Variants in PHC3 observed in about 807,000 individuals in gnomAD.
PHC3 encodes polyhomeotic homolog 3, also known as polyhomeotic-like protein 3.
A neutral mutation model predicts 107.4 loss-of-function variants in PHC3; 13 were observed. The observed-to-expected ratio is 0.12, with a 90% CI of 0.08 to 0.19. PHC3 has a LOEUF of 0.19. Ranked by LOEUF, PHC3 falls within the 10% of genes least tolerant of loss-of-function variation. PHC3 has a pLI of 1.00. For synonymous variants in PHC3, 456 were observed against 427.4 expected (o/e 1.07, Z -0.83); for missense variants, 992 against 1,210.9 (o/e 0.82, Z 2.68).
At chr3:170,130,528 T>C (rs1309874836) in intron 7 of PHC3, among the ~76,000 whole-genome samples, 1 of 152,158 alleles carries the variant, frequency 6.6e-6, no homozygotes, top group East Asian at 1.9e-4. Context: ...TAGGGGCCAT[T>C]CCAAATCTAG....
chr3:170,098,253 C>T (rs1164994473), intron 14 of PHC3, among the ~76,000 whole-genome samples: 1 of 152,048 alleles, frequency 6.6e-6, no homozygotes, highest in Admixed American at 6.6e-5. Flanking sequence ...GAAAGGTAAT[C>T]AATTAAGTAG....
In PHC3 at chr3:170,145,531, C is replaced by G; in HGVS notation, c.574-10G>C. Reference sequence around the variant, plus strand: ...CGGGTGTGAAAATCAGCTGTACAGACAGAAAACCAAAAAAATACCCTAAGA... The same window carrying G: ...CGGGTGTGAAAATCAGCTGTACAGAGAGAAAACCAAAAAAATACCCTAAGA... On this transcript the variant is annotated splice_polypyrimidine_tract_variant and intron_variant, in intron 5 of 14. Coordinates refer to ENST00000495893, the MANE Select transcript of PHC3 (RefSeq NM_024947.4). 6.3e-7 allele frequency: 1 copy of G among 1,598,956 alleles called. No individual in the cohort carries two copies. The highest frequency in any genetic ancestry group is 8.5e-7 in the Non-Finnish European group (1 of 1,169,726).
chr3:170,121,363 C>G (rs2108410652), intron 9 of PHC3, among the ~76,000 whole-genome samples: 1 of 152,166 alleles, frequency 6.6e-6, no homozygotes, highest in Admixed American at 6.5e-5. Context: ...GAGCAGTGTG[C>G]CAACCTCTAA....
chr3:170,104,572 C>T (rs1716110551), intron 12 of PHC3, among the ~76,000 whole-genome samples: 1 of 152,090 alleles, frequency 6.6e-6, no homozygotes, highest in South Asian at 2.1e-4. Flanking sequence ...CACACCTACC[C>T]TTCAAAATTC....
At chr3:170,130,297 C>T (rs1217247408) in intron 7 of PHC3, among the ~76,000 whole-genome samples, 1 of 152,054 alleles carries the variant, frequency 6.6e-6, no homozygotes, top group East Asian at 1.9e-4. Context: ...ATAAAGATCT[C>T]ATCCTTTCTA....
intron 4 of PHC3, among the ~76,000 whole-genome samples, chr3:170,153,166 G>C (rs1726299882): frequency 6.6e-6 from 1 of 152,120 alleles, no homozygotes; most frequent in Non-Finnish European, 1.5e-5. Context: ...TTTTAAAACA[G>C]CTTCTCCTCA....
At chr3:170,120,801 A>AG (rs2108406041) in intron 9 of PHC3, among the ~76,000 whole-genome samples, 1 of 152,360 alleles carries the variant, frequency 6.6e-6, no homozygotes, top group East Asian at 1.9e-4. Flanking sequence ...GACGGCAGAC[A>AG]GGGTTAGTGG....
chr3:170,163,498 G>GTGTC (rs1728241684), intron 4 of PHC3, among the ~76,000 whole-genome samples: 1 of 150,616 alleles, frequency 6.6e-6, no homozygotes, highest in Non-Finnish European at 1.5e-5. Context: ...GTGTGTGTGT[G>GTGTC]TGTGTGATGG....
rs1439424424 is a variant in PHC3 at position 170,097,254 on chromosome 3, G to A, written c.2964C>T (p.Arg988=). 6.2e-7 allele frequency: 1 copy of A among 1,612,106 alleles called. No individual in the cohort carries two copies. Among genetic ancestry groups the A allele is most frequent in the East Asian group, 2.2e-5 (1 of 44,872 alleles). ...GTTAAGATTCCTTCAGAGAGTTGATGCGTGCACAGATCTTCAGGGCTGGGC... is the reference window on the plus strand; with the variant it reads ...GTTAAGATTCCTTCAGAGAGTTGATACGTGCACAGATCTTCAGGGCTGGGC... ...KLGPALKICA[R]INSLKES The change falls in exon 15 of 15, where the codon CGC becomes CGT. Residue 988 remains arginine, a synonymous_variant. Transcript: ENST00000495893. This position sits in a 1 kb window ranked among gnomAD's most constrained non-coding sequence, Gnocchi z 4.1.
chr3:170,145,934 AAAAG>A (rs1259010037), intron 5 of PHC3, among the ~76,000 whole-genome samples: 3 of 152,212 alleles, frequency 2.0e-5, no homozygotes, highest in Non-Finnish European at 2.9e-5. Flanking sequence ...GTGAGAAACA[AAAAG>A]AAACACCAAA....
At chr3:170,102,131 T>C (rs1715593061) in intron 14 of PHC3, 3 of 982,358 alleles carry the variant, frequency 3.1e-6, no homozygotes, top group South Asian at 9.4e-5. Flanking sequence ...AATAGAAAAA[T>C]AGAAGAGCAG....
At chr3:170,128,316 A>G in intron 8 of PHC3, 1 of 1,229,008 alleles carries the variant, frequency 8.1e-7, no homozygotes, top group Non-Finnish European at 1.0e-6. Context: ...AAGCCAACAG[A>G]AGGGATCTAT....
chr3:170,175,479 T>TA (rs1730279625), intron 2 of PHC3, among the ~76,000 whole-genome samples: 1 of 151,492 alleles, frequency 6.6e-6, no homozygotes, highest in Non-Finnish European at 1.5e-5. Flanking sequence ...CTCTACAAAA[T>TA]AAAAAAATTA....
At chr3:170,101,949 A>G (rs1439713884) in intron 14 of PHC3, among the ~76,000 whole-genome samples, 1 of 152,158 alleles carries the variant, frequency 6.6e-6, no homozygotes, top group Non-Finnish European at 1.5e-5. Context: ...TTATTTATTG[A>G]AAAGAATCAA....
chr3:170,114,043 GAC>G (rs1243976924), intron 10 of PHC3, among the ~76,000 whole-genome samples: 1 of 151,614 alleles, frequency 6.6e-6, no homozygotes, highest in Non-Finnish European at 1.5e-5. Flanking sequence ...TTCTTTTTGA[GAC>G]ACAGTTTTGC....
chr3:170,168,603 A>C (rs768724110), intron 4 of PHC3, among the ~76,000 whole-genome samples: 8 of 152,062 alleles, frequency 5.3e-5, no homozygotes, highest in Non-Finnish European at 1.0e-4. Context: ...ATCTCTAAAA[A>C]ATTAGCAGGG....
intron 8 of PHC3, among the ~76,000 whole-genome samples, chr3:170,123,448 G>A (rs1311575852): frequency 3.3e-5 from 5 of 151,660 alleles, no homozygotes; most frequent in Non-Finnish European, 7.4e-5. Flanking sequence ...AAGTTTTTAA[G>A]TCTATAACTT....
At chr3:170,159,415 T>C (rs1727485781) in intron 4 of PHC3, among the ~76,000 whole-genome samples, 2 of 151,366 alleles carry the variant, frequency 1.3e-5, no homozygotes, top group African/African-American at 4.9e-5. Context: ...TTTTTAAAAG[T>C]CAAAGAAAGG....
chr3:170,165,517 C>A (rs1341492918), intron 4 of PHC3, among the ~76,000 whole-genome samples: 2 of 151,986 alleles, frequency 1.3e-5, no homozygotes, highest in Admixed American at 1.3e-4. Flanking sequence ...CTTTGGGAGG[C>A]TGAGGCAGGT....
Sources: allele counts gnomAD v4.1 joint callset (sites outside exome capture counted in the v4.1 genomes callset), GRCh38; gene constraint gnomAD v4.1.1; non-coding constraint Gnocchi (gnomAD v3.1); transcripts MANE v1.5; gene names NCBI Gene and HGNC (gene_info 2026-07-23, HGNC 2026-07-21).